The following CLCN1 variants were observed in gnomAD, a reference collection of about 807,000 sequenced individuals.
The protein encoded by CLCN1 is chloride channel protein 1.
Under a neutral mutation model 114.5 loss-of-function variants are expected in CLCN1, and 100 were observed. The ratio of observed to expected loss-of-function variants is 0.87; its 90% CI spans 0.74 to 1.03. The LOEUF is 1.03. CLCN1 is among the 50% of genes least tolerant of loss of function. The pLI is 0.00. For missense variants in CLCN1, 1,188 were observed against 1,250.0 expected (o/e 0.95, Z 0.75); for synonymous variants, 485 against 487.1 (o/e 1.00, Z 0.06).
rs142539932 is a variant in CLCN1, at chr7:143,351,924, C to T, written c.2926C>T (p.Arg976Ter). 2.1e-4 allele frequency: 336 copies of T among 1,613,610 alleles called. 1 individual carries two copies. The highest frequency in any genetic ancestry group is 1.7e-3 in the African/African-American group (130 of 75,000). The change falls in exon 23 of 23, where the codon CGA becomes TGA. Residue 976 changes from arginine to a stop codon, truncating the protein, a stop_gained. Coordinates refer to ENST00000343257, the MANE Select transcript of CLCN1 (RefSeq NM_000083.3). LOFTEE classifies it high-confidence loss of function. ...CGACATCTTGCAGGGCCCCAGCCTG[C>T]GATCCACAGACGAGGAGGATGAGGA... ...LADILQGPSL[R>*]STDEEDEDEL...
At position 143,351,928 on chromosome 7, in the gene CLCN1, CCA is replaced by C. The variant is rs778865730; in HGVS notation, c.2933_2934del (p.Thr978ArgfsTer5). ...ATCTTGCAGGGCCCCAGCCTGCGAT[CCA>C]CAGACGAGGAGGATGAGGATGAACT... On this transcript the variant is annotated frameshift_variant, in exon 23 of 23. Transcript: ENST00000343257. LOFTEE classifies it high-confidence loss of function. 4 of 1,613,566 alleles carry C rather than the reference CCA, an allele frequency of 2.5e-6. No individual in the cohort carries two copies. Among genetic ancestry groups the C allele is most frequent in the Non-Finnish European group, 3.4e-6 (4 of 1,180,034 alleles).
chr7:143,330,224 G>A (rs573242693), intron 7 of CLCN1, among the ~76,000 whole-genome samples: 1 of 152,186 alleles, frequency 6.6e-6, no homozygotes, highest in South Asian at 2.1e-4. Flanking sequence ...GTCAGCTCCT[G>A]CAAAGCCCCC....
chr7:143,345,723 G>A lies in CLCN1; in HGVS notation c.2133G>A (p.Val711=). ...PPGRPESFAF[V]DEDEDEDLSG... ...GCCGGCCCGAGTCCTTCGCCTTTGTGGATGAGGATGAGGACGAAGACCTCT... is the reference window on the plus strand; with the variant it reads ...GCCGGCCCGAGTCCTTCGCCTTTGTAGATGAGGATGAGGACGAAGACCTCT... The change falls in exon 17 of 23, where the codon GTG becomes GTA. Residue 711 remains valine (V), a synonymous_variant. Transcript: ENST00000343257. 1 of 1,585,210 alleles carries A rather than the reference G, an allele frequency of 6.3e-7. No homozygotes were observed. Among genetic ancestry groups the A allele is most frequent in the South Asian group, 1.2e-5 (1 of 86,694 alleles).
At chr7:143,317,013 A>C (rs532174319) in intron 1 of CLCN1, among the ~76,000 whole-genome samples, 1 of 152,278 alleles carries the variant, frequency 6.6e-6, no homozygotes, top group Admixed American at 6.5e-5. Context: ...CCAGCAACAG[A>C]AGCATGCAGG....
chr7:143,328,435 CT>C (rs1802632185), intron 7 of CLCN1, among the ~76,000 whole-genome samples: 1 of 152,112 alleles, frequency 6.6e-6, no homozygotes, highest in East Asian at 1.9e-4. Context: ...GTTTTTAATG[CT>C]TTGTTTCCTC....
At chr7:143,351,529 C>T in intron 22 of CLCN1, 65 bp from the exon 23 acceptor site, 1 of 1,553,608 alleles carries the variant, frequency 6.4e-7, no homozygotes, top group African/African-American at 1.4e-5. Context: ...CTGTGTCTCT[C>T]ACTGCCCCCG....
At chr7:143,344,180 C>A (rs138919079) in intron 16 of CLCN1, among the ~76,000 whole-genome samples, 1 of 152,086 alleles carries the variant, frequency 6.6e-6, no homozygotes, top group Admixed American at 6.5e-5. Flanking sequence ...TGTTAGTAAA[C>A]GATAATTTCA....
At position 143,316,367 on chromosome 7, in the gene CLCN1, C is replaced by T. The variant is rs1244607320; in HGVS notation, c.155C>T (p.Pro52Leu). The stretch of plus-strand genomic sequence containing the variant: ...CACAGGCTCCGGAAGGATGCAGGCC[C>T]CCGCCACAACGTCCACCCCACACAG... Reference protein sequence around the residue: ...LQHRLRKDAGPRHNVHPTQIY... With the variant: ...LQHRLRKDAGLRHNVHPTQIY... The change falls in exon 1 of 23, where the codon CCC becomes CTC. Residue 52 changes from proline to leucine, a missense_variant. Coordinates refer to ENST00000343257, the MANE Select transcript of CLCN1 (RefSeq NM_000083.3). The T allele has an allele frequency of 1.9e-6, 3 of 1,612,718 alleles. No homozygotes were observed. Among genetic ancestry groups the T allele is most frequent in the South Asian group, 1.1e-5 (1 of 91,076 alleles).
chr7:143,342,479 A>C lies in CLCN1; in HGVS notation c.1904A>C (p.Lys635Thr). 1 of 1,614,154 alleles carries C rather than the reference A, an allele frequency of 6.2e-7. No homozygotes were observed. Among genetic ancestry groups the C allele is most frequent in the Non-Finnish European group, 8.5e-7 (1 of 1,180,030 alleles). The change falls in exon 16 of 23, where the codon AAG becomes ACG. Residue 635 changes from lysine (K) to threonine (T), a missense_variant. By Grantham distance (78) the Lys-to-Thr change is moderately conservative. Coordinates refer to ENST00000343257, the MANE Select transcript of CLCN1 (RefSeq NM_000083.3). ...ACCCTGCTCCAGACCACCACAGTCA[A>C]GACTTTACCACTGGTTGACTCAAAA... ...LRTLLQTTTV[K>T]TLPLVDSKDS...
rs771750077 is a variant in CLCN1, at chr7:143,320,926, A to G, written c.433+131A>G. The stretch of plus-strand genomic sequence containing the variant: ...AGCGAATATTGCGCAGAGAGGGATC[A>G]GGTGGGACTCCAGGCCCAGAAAAGA... On this transcript the variant is annotated intron_variant, in intron 3 of 22. Transcript: ENST00000343257. 1.2e-4 allele frequency: 136 copies of G among 1,108,560 alleles called. 2 individuals are homozygous for G. The highest frequency in any genetic ancestry group is 3.5e-4 in the South Asian group (28 of 79,004). 68.7% of individuals were successfully genotyped at this position (1,108,560 alleles called of 1,614,324 possible).
chr7:143,346,813 G>A, intron 19 of CLCN1, 98 bp from the exon 20 acceptor site: 1 of 1,277,746 alleles, frequency 7.8e-7, no homozygotes. Context: ...AGGCATCGGT[G>A]GTCCTGGCCA....
intron 7 of CLCN1, among the ~76,000 whole-genome samples, chr7:143,328,276 T>G (rs1359400722): frequency 6.6e-6 from 1 of 151,932 alleles, no homozygotes; most frequent in Non-Finnish European, 1.5e-5. Flanking sequence ...AGAAAGTGTG[T>G]CTATGAGTAG....
chr7:143,339,169 A>G lies in CLCN1; in HGVS notation c.1402-84A>G. 1.1e-6 allele frequency: 1 copy of G among 915,430 alleles called. No homozygotes were observed. The highest frequency in any genetic ancestry group is 1.8e-6 in the Non-Finnish European group (1 of 542,836). 56.7% of individuals were successfully genotyped at this position (915,430 alleles called of 1,614,324 possible). A position where few individuals can be genotyped will look rare whatever the true frequency, so the allele number is the denominator to read the frequency against. ...TCAGCTATCCCAGGATTTCTGCAGA[A>G]AGGAGGATAGTGGGAAGGGAATTGT... On this transcript the variant is annotated intron_variant, in intron 12 of 22. Transcript: ENST00000343257. This position sits in a 1 kb window ranked among gnomAD's most constrained non-coding sequence, Gnocchi z 4.1.
rs869078445 is a variant in CLCN1, at chr7:143,337,807, C to CTTTTTTTTTTTTTTTTTT, written c.1402-1426_1402-1409dup. ...CTTTTTTCCATTCTATTTCTCAATTCTTTTTTTTTTTTTTTTTTTTTTTTT... is the reference window on the plus strand; with the variant it reads ...CTTTTTTCCATTCTATTTCTCAATTCTTTTTTTTTTTTTTTTTTTTTTTTTTTTTTTTTTTTTTTTTTT... On this transcript the variant is annotated intron_variant, in intron 12 of 22. Transcript: ENST00000343257. Among the ~76,000 whole-genome samples the CTTTTTTTTTTTTTTTTTT allele has an allele frequency of 6.3e-4, 29 of 46,078 alleles. 9 individuals are homozygous for CTTTTTTTTTTTTTTTTTT. Among genetic ancestry groups the CTTTTTTTTTTTTTTTTTT allele is most frequent in the Non-Finnish European group, 1.0e-3 (25 of 24,866 alleles). 30.2% of individuals were successfully genotyped at this position (46,078 alleles called of 152,430 possible).
chr7:143,348,343 T>C (rs1441991604), intron 20 of CLCN1, among the ~76,000 whole-genome samples: 1 of 152,182 alleles, frequency 6.6e-6, no homozygotes, highest in East Asian at 1.9e-4. Context: ...CTAAAACCAA[T>C]AACAATAAGT....
rs767739133 is a variant in CLCN1 at position 143,346,155 on chromosome 7, G to T, written c.2188G>T (p.Ala730Ser). The change falls in exon 18 of 23, where the codon GCT (alanine) becomes TCT (serine). Residue 730 changes from alanine to serine, a missense_variant. Ala to Ser is a moderately conservative substitution (Grantham distance 99). Transcript: ENST00000343257. ...TTCCTTACAGCTTCCTCCTTCCCTT[G>T]CTCTCCACCCCTCTACTACTGCCCC... ...SGKSELPPSL[A>S]LHPSTTAPLS... The T allele has an allele frequency of 6.2e-7, 1 of 1,610,078 alleles. No homozygotes were observed. Among genetic ancestry groups the T allele is most frequent in the South Asian group, 1.1e-5 (1 of 90,990 alleles).
chr7:143,350,463 C>T lies in CLCN1; in HGVS notation c.2495C>T (p.Thr832Ile), dbSNP rs755343536. 6.2e-7 allele frequency: 1 copy of T among 1,614,002 alleles called. No individual in the cohort carries two copies. The change falls in exon 21 of 23, where the codon ACA becomes ATA. Residue 832 changes from threonine to isoleucine, a missense_variant. By Grantham distance (89) the Thr-to-Ile change is moderately conservative. Transcript: ENST00000343257. This position sits in a 1 kb window ranked among gnomAD's most constrained non-coding sequence, Gnocchi z 5.1. The part of the protein sequence containing the change: ...DQSPFQLVEQ[T>I]TLHKTHTLFS... The stretch of plus-strand genomic sequence containing the variant: ...TCTCCCTTCCAGCTGGTGGAGCAGA[C>T]AACCCTGCACAAGGTGAGTCTTTTG...
intron 18 of CLCN1, 30 bp from the exon 19 acceptor site, chr7:143,346,549 C>A: frequency 1.9e-6 from 3 of 1,547,332 alleles, no homozygotes; most frequent in South Asian, 1.1e-5. Flanking sequence ...TGCTTTGTGT[C>A]CATTTCCATC....
rs1313866249 is a variant in CLCN1 at position 143,323,801 on chromosome 7, C to T, written c.774+415C>T. 10 of 476,700 alleles carry T rather than the reference C, an allele frequency of 2.1e-5. 1 individual carries two copies. Among genetic ancestry groups the T allele is most frequent in the South Asian group, 4.6e-5 (3 of 64,638 alleles). The allele number at this position is 476,700 out of a possible 1,614,324, so 29.5% of individuals were successfully genotyped here. A position where few individuals can be genotyped will look rare whatever the true frequency, so the allele number is the denominator to read the frequency against. On this transcript the variant is annotated intron_variant, in intron 6 of 22. Transcript: ENST00000343257. ...CCCACCCCTCCACCCCCTTGTCCCG[C>T]GTGCTTCTCTGTTGCAGACCGTGCC... is the stretch of plus-strand genomic sequence containing the variant.
Sources: allele counts gnomAD v4.1 joint callset (sites outside exome capture counted in the v4.1 genomes callset), GRCh38; gene constraint gnomAD v4.1.1; non-coding constraint Gnocchi (gnomAD v3.1); transcripts MANE v1.5; gene names NCBI Gene and HGNC (gene_info 2026-07-23, HGNC 2026-07-21).